The following SMIM19 variants were observed in gnomAD, a reference collection of about 807,000 sequenced individuals.
SMIM19 encodes UPF0697 protein C8orf40.
SMIM19 carries 6 observed loss-of-function variants against 13.2 expected under a neutral mutation model. The observed-to-expected ratio is 0.45, with a 90% CI of 0.25 to 0.90. The LOEUF is 0.90. Among genes scored for constraint, SMIM19 ranks in the 40% least tolerant of loss-of-function variants. The probability of loss-of-function intolerance (pLI) is 0.19; values close to 1 mark genes in which losing one functional copy is unlikely to be tolerated. For missense variants in SMIM19, 138 were observed against 131.0 expected (o/e 1.05, Z -0.26); for synonymous variants, 46 against 43.1 (o/e 1.07, Z -0.27).
Position 42,553,526 on chromosome 8 carries a change from C to T in SMIM19, c.*918C>T, listed in dbSNP as rs934625439. The T allele has an allele frequency of 2.0e-4, 30 of 152,212 alleles. No individual in the cohort carries two copies. The highest frequency in any genetic ancestry group is 6.5e-4 in the African/African-American group (27 of 41,450). The allele number at this position is 152,212 out of a possible 1,614,324, so 9.4% of individuals were successfully genotyped here. ...TGCATTTTTGGCATGCTAAGCTTTCCTAAAGAGCCTCATATCTTTTCCCAT... is the reference window on the plus strand; with the variant it reads ...TGCATTTTTGGCATGCTAAGCTTTCTTAAAGAGCCTCATATCTTTTCCCAT... On this transcript the variant is annotated 3_prime_UTR_variant, in exon 4 of 4. Transcript: ENST00000417410.
intron 1 of SMIM19, among the ~76,000 whole-genome samples, chr8:42,545,300 A>C (rs1444290365): frequency 6.6e-6 from 1 of 152,242 alleles, no homozygotes; most frequent in Non-Finnish European, 1.5e-5. Flanking sequence ...GGGAATGTCC[A>C]AAGAATGCAT....
intron 3 of SMIM19, 135 bp downstream of exon 3, chr8:42,548,915 G>T: frequency 1.1e-6 from 1 of 911,640 alleles, no homozygotes; most frequent in Non-Finnish European, 1.6e-6. Flanking sequence ...TGTTTAATAT[G>T]TTTTTCAGAT....
chr8:42,548,133 A>G (rs1292920766), intron 2 of SMIM19, among the ~76,000 whole-genome samples: 1 of 152,170 alleles, frequency 6.6e-6, no homozygotes, highest in Non-Finnish European at 1.5e-5. Context: ...CTTTCCTCTA[A>G]AAACAGCCAC....
At chr8:42,545,071 T>C (rs1241529248) in intron 1 of SMIM19, among the ~76,000 whole-genome samples, 3 of 152,252 alleles carry the variant, frequency 2.0e-5, no homozygotes, top group Non-Finnish European at 2.9e-5. Flanking sequence ...CTATCACTTA[T>C]ATTTGTCCAT....
chr8:42,543,086 A>T (rs551625633), intron 1 of SMIM19, among the ~76,000 whole-genome samples: 13 of 152,264 alleles, frequency 8.5e-5, no homozygotes, highest in African/African-American at 2.9e-4. Flanking sequence ...TTTACTTGAG[A>T]CTTAATTCAG....
chr8:42,544,054 A>G (rs763289598), intron 1 of SMIM19, among the ~76,000 whole-genome samples: 1 of 152,224 alleles, frequency 6.6e-6, no homozygotes, highest in Non-Finnish European at 1.5e-5. Context: ...ACTATAAACC[A>G]TAAAGTTACA....
intron 3 of SMIM19, among the ~76,000 whole-genome samples, chr8:42,551,044 CGTG>C (rs1813657965): frequency 6.6e-6 from 1 of 152,076 alleles, no homozygotes; most frequent in African/African-American, 2.4e-5. Flanking sequence ...ATTGGCCAGG[CGTG>C]GTGGCTCACA....
Position 42,542,013 on chromosome 8 carries a change from C to A in SMIM19, c.-365C>A, listed in dbSNP as rs1206770675. Reference sequence around the variant, plus strand: ...GGCTGAATCACGCGCAGCCTGCGGGCGGCGGAAACGTCCCTAGAGCCTCGC... The same window carrying A: ...GGCTGAATCACGCGCAGCCTGCGGGAGGCGGAAACGTCCCTAGAGCCTCGC... On this transcript the variant is annotated 5_prime_UTR_variant, in exon 1 of 4. Transcript: ENST00000417410. The A allele has an allele frequency of 2.0e-5, 3 of 152,210 alleles. No individual in the cohort carries two copies. In the East Asian group the frequency reaches 5.8e-4, roughly 29 times the overall value. The allele number at this position is 152,210 out of a possible 1,614,324, so 9.4% of individuals were successfully genotyped here.
rs372905072 is a variant in SMIM19 at position 42,546,453 on chromosome 8, C to G, written c.-4-16C>G. ...CATTAATTAAAAGAAACCCTGCTTT[C>G]TTTTCTCTCTTACAGCCCCATGGCT... On this transcript the variant is annotated splice_polypyrimidine_tract_variant and intron_variant, in intron 1 of 3. Coordinates refer to ENST00000417410, the MANE Select transcript of SMIM19 (RefSeq NM_001135674.2). The G allele has an allele frequency of 1.9e-6, 3 of 1,586,432 alleles. No homozygotes were observed. The highest frequency in any genetic ancestry group is 2.6e-6 in the Non-Finnish European group (3 of 1,171,858).
chr8:42,546,617 G>A lies in SMIM19; in HGVS notation c.134+11G>A, dbSNP rs760288778. 3 of 1,601,368 alleles carry A rather than the reference G, an allele frequency of 1.9e-6. No homozygotes were observed. On this transcript the variant is annotated intron_variant, in intron 2 of 3. Transcript: ENST00000417410. ...CATGTATGCCAAAAGGTAAATTTTT[G>A]TTTCTCAGGGTAGATAAAAACTGTG...
At chr8:42,551,311 C>CAAA (rs35606576) in intron 3 of SMIM19, among the ~76,000 whole-genome samples, 20 of 118,510 alleles carry the variant, frequency 1.7e-4, no homozygotes, top group South Asian at 5.4e-4. Flanking sequence ...GAGCGAGACT[C>CAAA]AAAAAAAAAA....
intron 1 of SMIM19, among the ~76,000 whole-genome samples, chr8:42,544,133 C>T (rs1563566691): frequency 6.6e-6 from 1 of 152,254 alleles, no homozygotes; most frequent in East Asian, 1.9e-4. Flanking sequence ...AAATACCGGC[C>T]GGGCGCGGTG....
In SMIM19 at chr8:42,553,782, G is replaced by C. The variant is rs1275924997; in HGVS notation, c.*1174G>C. On this transcript the variant is annotated 3_prime_UTR_variant, in exon 4 of 4. Transcript: ENST00000417410. Reference sequence around the variant, plus strand: ...GAGGATCACGAGGTCAGGAGTTTGAGACCAGCCTGGCCAACGTGGTTAAAC... The same window carrying C: ...GAGGATCACGAGGTCAGGAGTTTGACACCAGCCTGGCCAACGTGGTTAAAC... 1 of 152,212 alleles carries C rather than the reference G, an allele frequency of 6.6e-6. No individual in the cohort carries two copies. Among genetic ancestry groups the C allele is most frequent in the East Asian group, 1.9e-4 (1 of 5,182 alleles). The allele number at this position is 152,212 out of a possible 1,614,324, so 9.4% of individuals were successfully genotyped here. A position where few individuals can be genotyped will look rare whatever the true frequency, so the allele number is the denominator to read the frequency against.
chr8:42,542,574 G>A, intron 1 of SMIM19: 4 of 727,710 alleles, frequency 5.5e-6, no homozygotes, highest in Non-Finnish European at 6.7e-6. Flanking sequence ...GACAAGCGGT[G>A]GTCAATTTTA....
intron 3 of SMIM19, among the ~76,000 whole-genome samples, chr8:42,549,411 C>CAA (rs559738755): frequency 1.6e-5 from 2 of 128,132 alleles, no homozygotes; most frequent in Admixed American, 8.0e-5. Context: ...GACTCCGTCT[C>CAA]AAAAAAAAAA....
intron 1 of SMIM19, among the ~76,000 whole-genome samples, chr8:42,542,812 A>C (rs1813303190): frequency 9.3e-6 from 1 of 108,026 alleles, no homozygotes; most frequent in Non-Finnish European, 1.6e-5. Context: ...CCCCGTCTTT[A>C]AAAAAAAAAA....
chr8:42,543,827 A>G (rs1216168140), intron 1 of SMIM19, among the ~76,000 whole-genome samples: 1 of 152,156 alleles, frequency 6.6e-6, no homozygotes, highest in Non-Finnish European at 1.5e-5. Flanking sequence ...ATAACTCTCA[A>G]TCCTGAAAGC....
intron 1 of SMIM19, among the ~76,000 whole-genome samples, chr8:42,544,414 GAAA>G (rs200306298): frequency 8.4e-6 from 1 of 118,452 alleles, no homozygotes. Flanking sequence ...CTGTCTCAGG[GAAA>G]AAAAAAAAAA....
At chr8:42,548,393 G>A (rs763312259) in intron 2 of SMIM19, 1 of 519,546 alleles carries the variant, frequency 1.9e-6, no homozygotes, top group South Asian at 1.5e-5. Context: ...GCTTTTGGAG[G>A]ATTGAGGAGA....
Sources: gnomAD v4.1 joint callset for allele counts (sites outside exome capture counted in the v4.1 genomes callset) on GRCh38, gnomAD v4.1.1 for gene constraint, MANE v1.5 for transcripts, NCBI Gene and HGNC (gene_info 2026-07-23, HGNC 2026-07-21) for gene names.